Variants in KMT2E observed in about 807,000 individuals in gnomAD.
KMT2E encodes lysine methyltransferase 2E (inactive).
Under a neutral mutation model 184.6 loss-of-function variants are expected in KMT2E, and 30 were observed. The ratio of observed to expected loss-of-function variants is 0.16; its 90% CI spans 0.12 to 0.22. The LOEUF (loss-of-function observed/expected upper bound fraction) is 0.22. Ranked by LOEUF, KMT2E falls within the 10% of genes least tolerant of loss-of-function variation. KMT2E has a pLI of 1.00. For synonymous variants in KMT2E, 815 were observed against 776.5 expected, an observed-to-expected ratio of 1.05 and a Z score of -0.82; for missense variants, 2,023 against 2,237.4, an observed-to-expected ratio of 0.90 and a Z score of 1.93.
In KMT2E at chr7:105,040,847, G is replaced by T; in HGVS notation, c.-106G>T. Reference sequence around the variant, plus strand: ...CCTTTTCTTTTAAACAGGGTTTGTGGATGCACTTAGATGTTTGCAATGAGC... The same window carrying T: ...CCTTTTCTTTTAAACAGGGTTTGTGTATGCACTTAGATGTTTGCAATGAGC... On this transcript the variant is annotated 5_prime_UTR_variant, in exon 3 of 27. Transcript: ENST00000311117. The T allele has an allele frequency of 1.5e-6, 1 of 649,460 alleles. No homozygotes were observed. Among genetic ancestry groups the T allele is most frequent in the Non-Finnish European group, 2.7e-6 (1 of 370,988 alleles). The allele number at this position is 649,460 out of a possible 1,614,324, so 40.2% of individuals were successfully genotyped here.
intron 15 of KMT2E, among the ~76,000 whole-genome samples, chr7:105,097,186 T>A (rs1010696392): frequency 1.3e-5 from 2 of 152,294 alleles, no homozygotes; most frequent in East Asian, 1.9e-4. Context: ...GCTTTAATAA[T>A]AAAATAGGAT....
chr7:105,070,976 G>A (rs779846638), intron 6 of KMT2E, among the ~76,000 whole-genome samples: 17 of 152,092 alleles, frequency 1.1e-4, no homozygotes, highest in Non-Finnish European at 7.4e-5. Flanking sequence ...AATATGTAAA[G>A]CAAGGTAGAC....
chr7:105,101,844 T>A (rs1325142277), intron 16 of KMT2E, 42 bp from the exon 17 acceptor site: 3 of 1,420,464 alleles, frequency 2.1e-6, no homozygotes. Context: ...ACTTTATATA[T>A]ATGTAGTATA....
chr7:105,061,244 C>G (rs1463822144), intron 3 of KMT2E, among the ~76,000 whole-genome samples: 1 of 152,070 alleles, frequency 6.6e-6, no homozygotes, highest in Non-Finnish European at 1.5e-5. Flanking sequence ...ACTAAATATC[C>G]TTAAACTAAA....
intron 18 of KMT2E, 50 bp downstream of exon 18, chr7:105,105,743 C>T (rs773726846): frequency 2.5e-6 from 4 of 1,574,478 alleles, no homozygotes; most frequent in African/African-American, 2.7e-5. Flanking sequence ...AATGCCAACT[C>T]ATTCCTTACT....
In KMT2E at chr7:105,091,251, T is replaced by C; in HGVS notation, c.1659T>C (p.Thr553=). The C allele has an allele frequency of 6.3e-7, 1 of 1,596,788 alleles. No individual in the cohort carries two copies. Among genetic ancestry groups the C allele is most frequent in the Admixed American group, 1.7e-5 (1 of 59,568 alleles). ...PDFIDDIEEK[T]PISNEVEMES... is the part of the protein sequence containing the mutation. The stretch of plus-strand genomic sequence containing the variant: ...TTATTGATGATATAGAAGAAAAAAC[T>C]CCTATTAGTAATGAAGTAGAAATGG... Residue 553 remains threonine, a synonymous_variant, in exon 15 of 27, where the codon ACT becomes ACC. Transcript: ENST00000311117.
chr7:105,091,150 G>T, intron 14 of KMT2E, 66 bp from the exon 15 acceptor site: 3 of 711,790 alleles, frequency 4.2e-6, no homozygotes, highest in Non-Finnish European at 7.4e-6. Context: ...CATTAAAATA[G>T]TTTAATGTCA....
rs1799477022 is a variant in KMT2E at position 105,114,058 on chromosome 7, T to TTAA, written c.*729_*731dup. The TTAA allele has an allele frequency of 6.6e-6, 1 of 152,634 alleles. No homozygotes were observed. Among genetic ancestry groups the TTAA allele is most frequent in the Admixed American group, 6.5e-5 (1 of 15,286 alleles). The allele number at this position is 152,634 out of a possible 1,614,324, so 9.5% of individuals were successfully genotyped here. A position where few individuals can be genotyped will look rare whatever the true frequency, so the allele number is the denominator to read the frequency against. ...CACTGGTTGGGCATTTTAATTCATGTTAATAAATCACAATTATGTCAGTTT... is the reference window on the plus strand; with the variant it reads ...CACTGGTTGGGCATTTTAATTCATGTTAATAATAAATCACAATTATGTCAGTTT... On this transcript the variant is annotated 3_prime_UTR_variant, in exon 27 of 27. Transcript: ENST00000311117.
chr7:105,084,456 T>C (rs191017511), intron 13 of KMT2E, among the ~76,000 whole-genome samples: 1 of 151,864 alleles, frequency 6.6e-6, no homozygotes, highest in East Asian at 1.9e-4. Context: ...TGAAACCCCA[T>C]CTCTACTAAA....
chr7:105,086,104 T>C (rs1292492268), intron 13 of KMT2E, among the ~76,000 whole-genome samples: 1 of 152,234 alleles, frequency 6.6e-6, no homozygotes, highest in East Asian at 1.9e-4. Flanking sequence ...TCACATTTAT[T>C]ACGTGAGATT....
chr7:105,033,634 G>A (rs1795515519), intron 1 of KMT2E, among the ~76,000 whole-genome samples: 4 of 152,242 alleles, frequency 2.6e-5, no homozygotes, highest in South Asian at 4.1e-4. Context: ...GCGTAGCTGG[G>A]ACTACAGACG....
At chr7:105,094,258 C>G (rs888454785) in intron 15 of KMT2E, among the ~76,000 whole-genome samples, 1 of 151,988 alleles carries the variant, frequency 6.6e-6, no homozygotes, top group Non-Finnish European at 1.5e-5. Context: ...AGAAAGATAA[C>G]GTCAAGTCAA....
At chr7:105,045,230 T>C (rs1031384236) in intron 3 of KMT2E, among the ~76,000 whole-genome samples, 4 of 152,254 alleles carry the variant, frequency 2.6e-5, no homozygotes, top group Non-Finnish European at 5.9e-5. Context: ...TGCCCGATCT[T>C]GCAGCAGAAT....
intron 13 of KMT2E, among the ~76,000 whole-genome samples, chr7:105,082,499 TAAGG>T (rs1584773033): frequency 6.6e-6 from 1 of 152,194 alleles, no homozygotes; most frequent in East Asian, 1.9e-4. Context: ...AAGAAAATCA[TAAGG>T]AAGATACAAT....
Position 105,076,952 on chromosome 7 carries a change from T to G in KMT2E, c.769-11T>G. 1.9e-6 allele frequency: 3 copies of G among 1,601,894 alleles called. No individual in the cohort carries two copies. The highest frequency in any genetic ancestry group is 2.2e-5 in the South Asian group (2 of 90,782). ...TAAGTCCAGATACTAAAGCTCAGTT[T>G]ATGATTTTAGGGTTCAGCTCCAGAG... On this transcript the variant is annotated splice_polypyrimidine_tract_variant and intron_variant, in intron 9 of 26. Coordinates refer to ENST00000311117, the MANE Select transcript of KMT2E (RefSeq NM_182931.3).
chr7:105,040,872 C>A lies in KMT2E; in HGVS notation c.-81C>A. 1.0e-6 allele frequency: 1 copy of A among 959,090 alleles called. No homozygotes were observed. The highest frequency in any genetic ancestry group is 1.6e-6 in the Non-Finnish European group (1 of 610,668). 59.4% of individuals were successfully genotyped at this position (959,090 alleles called of 1,614,324 possible). A position where few individuals can be genotyped will look rare whatever the true frequency, so the allele number is the denominator to read the frequency against. ...GATGCACTTAGATGTTTGCAATGAG[C>A]ACTGTGGCTGGCATGCCCCAGTGTT... On this transcript the variant is annotated 5_prime_UTR_variant, in exon 3 of 27. Transcript: ENST00000311117.
Position 105,101,594 on chromosome 7 carries a change from T to A in KMT2E, c.1887+5T>A, listed in dbSNP as rs1286211710. 1 of 1,526,092 alleles carries A rather than the reference T, an allele frequency of 6.6e-7. No homozygotes were observed. The highest frequency in any genetic ancestry group is 1.4e-5 in the African/African-American group (1 of 70,160). The allele number at this position is 1,526,092 out of a possible 1,614,324, so 94.5% of individuals were successfully genotyped here. ...AGTGATGCTGAAGTTATTCAGGTAT[T>A]ATTTATTCAGGTCGTTTTATTTTCT... On this transcript the variant is annotated splice_donor_5th_base_variant and intron_variant, in intron 16 of 26. Transcript: ENST00000311117.
chr7:105,090,591 C>T (rs1798161037), intron 14 of KMT2E, among the ~76,000 whole-genome samples: 1 of 152,130 alleles, frequency 6.6e-6, no homozygotes. Context: ...TCTTAAGCTG[C>T]AAAATTTTCT....
intron 1 of KMT2E, among the ~76,000 whole-genome samples, chr7:105,016,089 T>G (rs534013651): frequency 8.2e-4 from 125 of 152,372 alleles, no homozygotes; most frequent in Non-Finnish European, 1.6e-3. Context: ...TCATCTATTT[T>G]ATATGATTAA....
Sources: allele counts gnomAD v4.1 joint callset (sites outside exome capture counted in the v4.1 genomes callset), GRCh38; gene constraint gnomAD v4.1.1; transcripts MANE v1.5; gene names NCBI Gene and HGNC (gene_info 2026-07-23, HGNC 2026-07-21).